FOXN3: variants seen among roughly 807,000 people sequenced by gnomAD.
FOXN3 encodes the protein forkhead box N3, also known as forkhead box protein N3.
A neutral mutation model predicts 38.4 loss-of-function variants in FOXN3; 7 were observed. The ratio of observed to expected loss-of-function variants is 0.18; its 90% CI spans 0.10 to 0.34. The LOEUF (loss-of-function observed/expected upper bound fraction) is 0.34, where lower values mean the gene tolerates loss of function less well. Among genes scored for constraint, FOXN3 ranks in the 10% least tolerant of loss-of-function variants. The pLI, the probability that FOXN3 is intolerant of heterozygous loss-of-function variation, is 1.00. For missense variants in FOXN3, 456 were observed against 613.4 expected (o/e 0.74, Z 2.71); for synonymous variants, 230 against 242.2 (o/e 0.95, Z 0.47).
At chr14:89,236,666 A>G (rs919073371) in intron 4 of FOXN3, among the ~76,000 whole-genome samples, 3 of 152,242 alleles carry the variant, frequency 2.0e-5, no homozygotes, top group East Asian at 1.9e-4. Flanking sequence ...CAATTTGCAC[A>G]TGCTGATTAG....
intron 1 of FOXN3, among the ~76,000 whole-genome samples, chr14:89,595,799 G>A (rs1056127697): frequency 3.9e-5 from 6 of 152,104 alleles, no homozygotes; most frequent in African/African-American, 1.4e-4. Flanking sequence ...AACATTTCAC[G>A]CATTAAGTAT....
chr14:89,281,925 G>A (rs780226500), intron 3 of FOXN3, among the ~76,000 whole-genome samples: 3 of 152,154 alleles, frequency 2.0e-5, no homozygotes, highest in Admixed American at 2.0e-4. Context: ...CCTTCAATAT[G>A]AGAAAAATAG....
At chr14:89,280,912 AG>A (rs753295966) in intron 4 of FOXN3, 37 bp downstream of exon 4, 301 of 1,510,632 alleles carry the variant, frequency 2.0e-4, no homozygotes, top group Admixed American at 5.7e-4. Context: ...CGGGTGGGTG[AG>A]GGGGAGGGAG....
At chr14:89,294,870 T>C (rs1886987940) in intron 3 of FOXN3, among the ~76,000 whole-genome samples, 1 of 152,208 alleles carries the variant, frequency 6.6e-6, no homozygotes, top group South Asian at 2.1e-4. Context: ...AGCCATCATT[T>C]TGTTCCTTTA....
intron 2 of FOXN3, among the ~76,000 whole-genome samples, chr14:89,372,192 A>C (rs1890338230): frequency 6.6e-6 from 1 of 152,196 alleles, no homozygotes; most frequent in African/African-American, 2.4e-5. Context: ...AAAGGATAGC[A>C]ATCAGGCAGG....
intron 2 of FOXN3, among the ~76,000 whole-genome samples, chr14:89,353,115 G>T (rs1889046189): frequency 6.6e-6 from 1 of 152,230 alleles, no homozygotes; most frequent in African/African-American, 2.4e-5. Context: ...AGTAAGAACA[G>T]GTGATCTGGA....
chr14:89,570,144 T>TGCATGCCACCAC (rs1895461459), intron 1 of FOXN3, among the ~76,000 whole-genome samples: 3 of 151,784 alleles, frequency 2.0e-5, no homozygotes, highest in African/African-American at 7.2e-5. Context: ...GAACTACAGG[T>TGCATGCCACCAC]GCATGCCACC....
chr14:89,405,240 G>A (rs1332505592), intron 2 of FOXN3, among the ~76,000 whole-genome samples: 2 of 152,182 alleles, frequency 1.3e-5, no homozygotes, highest in East Asian at 1.9e-4. Context: ...GGGTTCAAGC[G>A]ATTCTCCTGC....
intron 3 of FOXN3, among the ~76,000 whole-genome samples, chr14:89,298,400 T>C (rs1394509322): frequency 2.0e-5 from 3 of 148,070 alleles, no homozygotes; most frequent in African/African-American, 7.5e-5. Flanking sequence ...GCCACTGAAC[T>C]GTAAACTTTA....
intron 4 of FOXN3, among the ~76,000 whole-genome samples, chr14:89,215,405 TAC>T (rs1884241078): frequency 6.6e-6 from 1 of 152,194 alleles, no homozygotes; most frequent in African/African-American, 2.4e-5. Flanking sequence ...CTGACTTCTT[TAC>T]AGAGAGACAT....
chr14:89,180,430 C>T (rs937484353), intron 5 of FOXN3, among the ~76,000 whole-genome samples: 3 of 152,156 alleles, frequency 2.0e-5, no homozygotes, highest in African/African-American at 7.2e-5. Flanking sequence ...CTGCCCACCT[C>T]TTACCCTGCC....
intron 3 of FOXN3, among the ~76,000 whole-genome samples, chr14:89,309,282 T>C (rs574427795): frequency 6.6e-6 from 1 of 151,702 alleles, no homozygotes; most frequent in African/African-American, 2.4e-5. Context: ...CCTCCAGGAG[T>C]TGCCACGTGC....
intron 2 of FOXN3, among the ~76,000 whole-genome samples, chr14:89,378,317 T>C (rs1192156981): frequency 6.6e-6 from 1 of 152,138 alleles, no homozygotes; most frequent in African/African-American, 2.4e-5. Flanking sequence ...CACCATCAGC[T>C]GGGGAATACC....
rs780039705 is a variant in FOXN3, at chr14:89,164,733, C to T, written c.852-1764G>A. On this transcript the variant is annotated intron_variant, in intron 5 of 5. Coordinates refer to ENST00000557258, the MANE Select transcript of FOXN3 (RefSeq NM_005197.4). This position sits in a 1 kb window ranked among gnomAD's most constrained non-coding sequence, Gnocchi z 4.3. ...ACTCACCGGGCACACGCTGAGGATA[C>T]GGCACTGGTAGAAGGGCTGTGGGGT... Among the ~76,000 whole-genome samples the T allele has an allele frequency of 5.9e-5, 9 of 152,124 alleles. No homozygotes were observed. Among genetic ancestry groups the T allele is most frequent in the Admixed American group, 2.6e-4 (4 of 15,282 alleles).
intron 3 of FOXN3, among the ~76,000 whole-genome samples, chr14:89,336,111 ATT>A (rs1454633457): frequency 1.3e-5 from 2 of 149,054 alleles, no homozygotes; most frequent in Non-Finnish European, 3.0e-5. Context: ...TCGCTTTTCG[ATT>A]TTGTCTAAAA....
In FOXN3 at chr14:89,162,746, C is replaced by T. The variant is rs141530191; in HGVS notation, c.1075G>A (p.Glu359Lys). The T allele has an allele frequency of 1.5e-5, 24 of 1,607,464 alleles. No homozygotes were observed. The highest frequency in any genetic ancestry group is 3.3e-5 in the South Asian group (3 of 91,042). Residue 359 changes from glutamate (E) to lysine (K), a missense_variant, in exon 6 of 6, where the codon GAG becomes AAG. Around this residue, in one of 3 missense-constraint regions of FOXN3, gnomAD observed 386 missense variants for 505.2 expected, o/e 0.76. Transcript: ENST00000557258. The surrounding 1 kb of genome is among the most constrained non-coding windows in gnomAD (Gnocchi z 7.2). ...KGSQEGSEGS[E>K]GSFRSHESPS... ...CTCTCGTGGCTCCGGAAGCTCCCCTCGCTGCCCTCGCTGCCCTCCTGGCTC... is the reference window on the plus strand; with the variant it reads ...CTCTCGTGGCTCCGGAAGCTCCCCTTGCTGCCCTCGCTGCCCTCCTGGCTC...
At chr14:89,564,215 T>C (rs1410364342) in intron 1 of FOXN3, among the ~76,000 whole-genome samples, 3 of 152,122 alleles carry the variant, frequency 2.0e-5, no homozygotes, top group African/African-American at 7.2e-5. Flanking sequence ...GAAAGGATCA[T>C]TGTGATTACT....
intron 3 of FOXN3, among the ~76,000 whole-genome samples, chr14:89,331,138 C>T (rs1729241060): frequency 1.3e-5 from 2 of 152,144 alleles, no homozygotes; most frequent in South Asian, 4.1e-4. Context: ...TGCAACCATC[C>T]CTACTATTTA....
At chr14:89,216,619 A>G (rs887360352) in intron 4 of FOXN3, among the ~76,000 whole-genome samples, 2 of 152,128 alleles carry the variant, frequency 1.3e-5, no homozygotes, top group Non-Finnish European at 2.9e-5. Flanking sequence ...AGATGGTCCA[A>G]CTCTGCTCTC....
Sources: allele counts gnomAD v4.1 joint callset (sites outside exome capture counted in the v4.1 genomes callset), GRCh38; gene constraint gnomAD v4.1.1; regional missense constraint gnomAD v4.1.1; non-coding constraint Gnocchi (gnomAD v3.1); transcripts MANE v1.5; gene names NCBI Gene and HGNC (gene_info 2026-07-23, HGNC 2026-07-21).